Variants in AEBP2 observed in about 807,000 individuals in gnomAD.
AEBP2 encodes zinc finger protein AEBP2.
A neutral mutation model predicts 50.8 loss-of-function variants in AEBP2; 10 were observed. That is an observed-to-expected ratio of 0.20 (90% CI 0.12 to 0.33). The LOEUF (loss-of-function observed/expected upper bound fraction) is 0.33, where lower values mean the gene tolerates loss of function less well. Among genes scored for constraint, AEBP2 ranks in the 10% least tolerant of loss-of-function variants. The pLI, the probability that AEBP2 is intolerant of heterozygous loss-of-function variation, is 1.00. For missense variants in AEBP2, 570 were observed against 688.0 expected (o/e 0.83, Z 1.92); for synonymous variants, 296 against 261.3 (o/e 1.13, Z -1.28).
intron 1 of AEBP2, chr12:19,457,322 C>G (rs574964737): frequency 2.0e-6 from 3 of 1,509,746 alleles, no homozygotes; most frequent in Admixed American, 3.4e-5. Context: ...TGAGATGTCC[C>G]TGTAATCATG....
rs1948735636 is a variant in AEBP2 at position 19,481,886 on chromosome 12, A to G, written c.987+8531A>G. Among the ~76,000 whole-genome samples the G allele has an allele frequency of 1.3e-5, 2 of 152,018 alleles. 1 individual carries two copies. The highest frequency in any genetic ancestry group is 4.2e-4 in the South Asian group (2 of 4,818). On this transcript the variant is annotated intron_variant, in intron 3 of 7. Coordinates refer to ENST00000266508, the MANE Select transcript of AEBP2 (RefSeq NM_153207.5). ...GGAGAATTTTTCATCCGTATCCTGT[A>G]TTGTTGTCTTTAATTTGGTTTTCAC... is the stretch of plus-strand genomic sequence containing the variant.
intron 1 of AEBP2, among the ~76,000 whole-genome samples, chr12:19,446,285 G>GT (rs1198788555): frequency 1.3e-5 from 2 of 152,150 alleles, no homozygotes; most frequent in African/African-American, 2.4e-5. Context: ...ATTGTATTCT[G>GT]TTTTTTCTGT....
intron 2 of AEBP2, among the ~76,000 whole-genome samples, chr12:19,472,084 C>A (rs908552679): frequency 6.6e-6 from 1 of 152,034 alleles, no homozygotes; most frequent in East Asian, 1.9e-4. Flanking sequence ...CCTTGTTATA[C>A]CTATTTGACA....
At chr12:19,515,284 C>A (rs976165303) in intron 7 of AEBP2, among the ~76,000 whole-genome samples, 3 of 152,052 alleles carry the variant, frequency 2.0e-5, no homozygotes, top group Non-Finnish European at 4.4e-5. Context: ...GTGTGCTGTG[C>A]TTATGAAGGT....
At chr12:19,409,833 A>G (rs1441191532) in intron 1 of AEBP2, among the ~76,000 whole-genome samples, 1 of 152,186 alleles carries the variant, frequency 6.6e-6, no homozygotes, top group Admixed American at 6.6e-5. Flanking sequence ...TACAGCATCT[A>G]ATTTAGGCTT....
At chr12:19,413,639 C>T (rs186389903) in intron 1 of AEBP2, among the ~76,000 whole-genome samples, 64 of 152,244 alleles carry the variant, frequency 4.2e-4, no homozygotes, top group Admixed American at 3.9e-3. Context: ...CCCAGCGGGC[C>T]GCTGGTTGTC....
At chr12:19,490,312 G>A (rs142290802) in intron 3 of AEBP2, among the ~76,000 whole-genome samples, 148 of 152,194 alleles carry the variant, frequency 9.7e-4, no homozygotes, top group African/African-American at 3.4e-3. Context: ...ATAGATGTAC[G>A]TATTGAATGG....
intron 1 of AEBP2, among the ~76,000 whole-genome samples, chr12:19,427,103 G>C (rs2095748927): frequency 6.6e-6 from 1 of 151,866 alleles, no homozygotes. Context: ...GGAAGGTCGG[G>C]CACGGTGGCT....
At chr12:19,490,466 A>G (rs1948880656) in intron 3 of AEBP2, among the ~76,000 whole-genome samples, 1 of 149,394 alleles carries the variant, frequency 6.7e-6, no homozygotes, top group Non-Finnish European at 1.5e-5. Context: ...ACTGCTCTGC[A>G]TCCCAGGCTG....
chr12:19,487,580 TG>T (rs1257900466), intron 3 of AEBP2, among the ~76,000 whole-genome samples: 2 of 152,192 alleles, frequency 1.3e-5, no homozygotes, highest in Non-Finnish European at 2.9e-5. Context: ...TAGCCAAGTG[TG>T]GTGGCATGCA....
intron 1 of AEBP2, among the ~76,000 whole-genome samples, chr12:19,423,713 C>T (rs571099666): frequency 7.2e-5 from 11 of 152,154 alleles, no homozygotes; most frequent in South Asian, 2.1e-4. Context: ...CCATGGCTTA[C>T]GCCTGTAATC....
intron 1 of AEBP2, among the ~76,000 whole-genome samples, chr12:19,407,847 G>A (rs1260816314): frequency 6.6e-6 from 1 of 152,012 alleles, no homozygotes; most frequent in Non-Finnish European, 1.5e-5. Flanking sequence ...TTGGGAGTTC[G>A]AGACCAGCCT....
At chr12:19,480,097 G>C (rs556404161) in intron 3 of AEBP2, among the ~76,000 whole-genome samples, 2 of 151,822 alleles carry the variant, frequency 1.3e-5, no homozygotes, top group Non-Finnish European at 2.9e-5. Context: ...TATGCTTTAA[G>C]GAGATTCTTT....
At position 19,520,436 on chromosome 12, in the gene AEBP2, G is replaced by C. The variant is rs1352166131; in HGVS notation, c.*2319G>C. ...GCTTATCTGATGTTGGTTTGATACT[G>C]TTAACACACCAAAAAGAATATGGAA... On this transcript the variant is annotated 3_prime_UTR_variant, in exon 8 of 8. Coordinates refer to ENST00000266508, the MANE Select transcript of AEBP2 (RefSeq NM_153207.5). The C allele has an allele frequency of 6.6e-6, 1 of 152,132 alleles. No individual in the cohort carries two copies. Among genetic ancestry groups the C allele is most frequent in the Admixed American group, 6.5e-5 (1 of 15,268 alleles). 9.4% of individuals were successfully genotyped at this position (152,132 alleles called of 1,614,324 possible).
intron 1 of AEBP2, chr12:19,440,796 C>G: frequency 6.6e-7 from 1 of 1,521,044 alleles, no homozygotes; most frequent in South Asian, 1.2e-5. Context: ...TCCAATATGG[C>G]TGGTCTCGCC....
chr12:19,469,069 C>T (rs771660122), intron 2 of AEBP2, among the ~76,000 whole-genome samples: 1 of 152,130 alleles, frequency 6.6e-6, no homozygotes, highest in South Asian at 2.1e-4. Context: ...GGATTACAGG[C>T]GTGTGTCATC....
chr12:19,494,318 T>TTAAG (rs1948938157), intron 4 of AEBP2, among the ~76,000 whole-genome samples: 1 of 152,038 alleles, frequency 6.6e-6, no homozygotes, highest in South Asian at 2.1e-4. Context: ...CAAGTGAAAG[T>TTAAG]TAAGTAATCT....
intron 1 of AEBP2, among the ~76,000 whole-genome samples, chr12:19,448,918 A>G (rs1470428486): frequency 6.6e-6 from 1 of 152,056 alleles, no homozygotes; most frequent in Middle Eastern, 3.2e-3. Flanking sequence ...GAGCTCAAGC[A>G]GTCCTCCCAC....
chr12:19,461,898 A>G (rs1309185841), intron 1 of AEBP2, among the ~76,000 whole-genome samples: 1 of 152,204 alleles, frequency 6.6e-6, no homozygotes, highest in Non-Finnish European at 1.5e-5. Context: ...AGTTAAAAAA[A>G]TAAAATTTTA....
Sources: allele counts gnomAD v4.1 joint callset (sites outside exome capture counted in the v4.1 genomes callset), GRCh38; gene constraint gnomAD v4.1.1; transcripts MANE v1.5; gene names NCBI Gene and HGNC (gene_info 2026-07-23, HGNC 2026-07-21).